The following INSYN2A variants were observed in gnomAD, a reference collection of about 807,000 sequenced individuals.
INSYN2A encodes the protein inhibitory synaptic factor 2A.
In INSYN2A, 17 loss-of-function variants were observed where a neutral mutation model predicts 39.4. That is an observed-to-expected ratio of 0.43 (90% CI 0.30 to 0.65). The LOEUF is 0.65. INSYN2A is among the 30% of genes least tolerant of loss of function. The probability of loss-of-function intolerance (pLI) is 0.14; values close to 1 mark genes in which losing one functional copy is unlikely to be tolerated. For missense variants in INSYN2A, 595 were observed against 631.2 expected (o/e 0.94, Z 0.61); for synonymous variants, 255 against 265.7 (o/e 0.96, Z 0.39).
intron 5 of INSYN2A, 67 bp from the exon 6 acceptor site, chr10:127,138,087 C>T: frequency 7.1e-7 from 1 of 1,417,696 alleles, no homozygotes; most frequent in Non-Finnish European, 9.6e-7. Context: ...CTCTTAGTGT[C>T]AGCAAGATTT....
chr10:127,138,135 G>A, intron 5 of INSYN2A, 115 bp from the exon 6 acceptor site: 1 of 909,170 alleles, frequency 1.1e-6, no homozygotes, highest in Non-Finnish European at 1.7e-6. Context: ...TAATTTTATG[G>A]TTTAATAATA....
intron 4 of INSYN2A, among the ~76,000 whole-genome samples, chr10:127,173,219 G>T (rs758418679): frequency 1.3e-4 from 20 of 150,374 alleles, no homozygotes; most frequent in Non-Finnish European, 7.4e-5. Context: ...CACATTAGAA[G>T]GTCACCCCAT....
Position 127,137,866 on chromosome 10 carries a change from G to T in INSYN2A, c.1411C>A (p.His471Asn). The T allele has an allele frequency of 1.2e-6, 2 of 1,614,086 alleles. No homozygotes were observed. The highest frequency in any genetic ancestry group is 1.7e-6 in the Non-Finnish European group (2 of 1,180,008). The change falls in exon 6 of 6, where the codon CAC (histidine) becomes AAC (asparagine). Residue 471 changes from histidine (H) to asparagine (N), a missense_variant. Coordinates refer to ENST00000522781, the MANE Select transcript of INSYN2A (RefSeq NM_001039762.3). ...KQKSKTESKK[H>N]GRWKLWFL ...AGGAACCAGAGTTTCCATCTTCCGT[G>T]CTTTTTAGATTCAGTTTTGGATTTT...
intron 2 of INSYN2A, among the ~76,000 whole-genome samples, chr10:127,186,702 T>C (rs996043585): frequency 1.3e-5 from 2 of 151,888 alleles, no homozygotes; most frequent in African/African-American, 4.8e-5. Context: ...TATAAAATTA[T>C]ACTAAATAAG....
At chr10:127,178,574 G>GC (rs1319937517) in intron 2 of INSYN2A, among the ~76,000 whole-genome samples, 7 of 152,204 alleles carry the variant, frequency 4.6e-5, no homozygotes, top group Non-Finnish European at 8.8e-5. Context: ...GATGCCTCGG[G>GC]CTCTTGTTCG....
At chr10:127,177,469 T>G (rs1389238443) in intron 2 of INSYN2A, among the ~76,000 whole-genome samples, 7 of 152,234 alleles carry the variant, frequency 4.6e-5, no homozygotes, top group East Asian at 1.9e-4. Context: ...GAGTTAAGTG[T>G]GTTGTTTGTG....
rs765993414 is a variant in INSYN2A at position 127,153,842 on chromosome 10, G to C, written c.1256+10C>G. ...AATAAGAAAGTGGGAAGAGGAGAAT[G>C]TTAACATACCTATAGATAATACATG... On this transcript the variant is annotated intron_variant, in intron 5 of 5. Transcript: ENST00000522781. 2.5e-6 allele frequency: 4 copies of C among 1,600,640 alleles called. No homozygotes were observed. In the Middle Eastern group the frequency reaches 6.6e-4, roughly 265 times the overall value.
intron 4 of INSYN2A, among the ~76,000 whole-genome samples, chr10:127,173,657 C>G (rs991912892): frequency 6.6e-6 from 1 of 152,126 alleles, no homozygotes; most frequent in Admixed American, 6.5e-5. Flanking sequence ...CCAACTATAT[C>G]AACATCAGTG....
rs866444982 is a variant in INSYN2A at position 127,186,759 on chromosome 10, G to C, written c.-269+5846C>G. On this transcript the variant is annotated intron_variant, in intron 2 of 5. Coordinates refer to ENST00000522781, the MANE Select transcript of INSYN2A (RefSeq NM_001039762.3). ...TCATGCCACACTGCTGTTGTCCATT[G>C]AGATGAACGTGGAGAGGAAGGAGAA... 6.2e-4 allele frequency among the ~76,000 whole-genome samples: 95 copies of C among 152,158 alleles called. 1 individual carries two copies. The highest frequency in any genetic ancestry group is 2.2e-3 in the African/African-American group (93 of 41,522).
At chr10:127,181,467 G>A (rs183575654) in intron 2 of INSYN2A, among the ~76,000 whole-genome samples, 13 of 152,300 alleles carry the variant, frequency 8.5e-5, no homozygotes, top group Admixed American at 3.3e-4. Context: ...GCAGGCAGCT[G>A]CCAGTCTGAC....
Position 127,196,313 on chromosome 10 carries a change from A to T in INSYN2A, c.-711T>A, listed in dbSNP as rs1420180424. On this transcript the variant is annotated 5_prime_UTR_variant, in exon 1 of 6. Transcript: ENST00000522781. ...GGCAGCGGCTGGGCCAGCTCCGGGGACGCCCGCGCGCTCGCTTGCTCGCGA... is the reference window on the plus strand; with the variant it reads ...GGCAGCGGCTGGGCCAGCTCCGGGGTCGCCCGCGCGCTCGCTTGCTCGCGA... 6.7e-6 allele frequency among the ~76,000 whole-genome samples: 1 copy of T among 148,268 alleles called. No homozygotes were observed. The highest frequency in any genetic ancestry group is 1.5e-5 in the Non-Finnish European group (1 of 66,736).
Position 127,138,033 on chromosome 10 carries a change from G to T in INSYN2A, c.1257-13C>A. The T allele has an allele frequency of 6.3e-7, 1 of 1,596,334 alleles. No homozygotes were observed. Among genetic ancestry groups the T allele is most frequent in the African/African-American group, 1.4e-5 (1 of 73,782 alleles). ...ATCCAGCTCCACACTAGAAAAGAGA[G>T]AGAGTGAAGACTTTAGCATTTGATC... is the stretch of plus-strand genomic sequence containing the variant. On this transcript the variant is annotated splice_polypyrimidine_tract_variant and intron_variant, in intron 5 of 5. Transcript: ENST00000522781.
At position 127,175,612 on chromosome 10, in the gene INSYN2A, T is replaced by C. The variant is rs1004876591; in HGVS notation, c.784A>G (p.Ser262Gly). Residue 262 changes from serine to glycine, a missense_variant, in exon 4 of 6, where the codon AGT (serine) becomes GGT (glycine). Ser to Gly is a moderately conservative substitution (Grantham distance 56, BLOSUM62 0). Coordinates refer to ENST00000522781, the MANE Select transcript of INSYN2A (RefSeq NM_001039762.3). The surrounding 1 kb of genome is among the most constrained non-coding windows in gnomAD (Gnocchi z 6.3). ...EVATVYAPAL[S>G]ARAPEPGLSD... ...AAACCAGGCTCGGGGGCCCTGGCAC[T>C]GAGGGCAGGTGCGTAAACGGTGGCA... 1 of 1,612,870 alleles carries C rather than the reference T, an allele frequency of 6.2e-7. No individual in the cohort carries two copies. Among genetic ancestry groups the C allele is most frequent in the Admixed American group, 1.7e-5 (1 of 60,000 alleles).
rs2056386847 is a variant in INSYN2A, at chr10:127,187,567, T to C, written c.-269+5038A>G. 2.0e-5 allele frequency among the ~76,000 whole-genome samples: 3 copies of C among 152,092 alleles called. No homozygotes were observed. In the South Asian group the frequency reaches 6.2e-4, roughly 31 times the overall value. On this transcript the variant is annotated intron_variant, in intron 2 of 5. Transcript: ENST00000522781. Reference sequence around the variant, plus strand: ...TGTGTGGGTTTTTAAAGAGAGCATATCCTGCCACGTAGAAGAAAATCCAGG... The same window carrying C: ...TGTGTGGGTTTTTAAAGAGAGCATACCCTGCCACGTAGAAGAAAATCCAGG...
At chr10:127,156,963 A>G (rs2053146595) in intron 4 of INSYN2A, among the ~76,000 whole-genome samples, 1 of 152,196 alleles carries the variant, frequency 6.6e-6, no homozygotes, top group Admixed American at 6.5e-5. Context: ...GTAAGCAAAT[A>G]GTTATTAAGT....
chr10:127,139,139 G>A (rs1252978908), intron 5 of INSYN2A, among the ~76,000 whole-genome samples: 3 of 152,212 alleles, frequency 2.0e-5, no homozygotes, highest in South Asian at 2.1e-4. Flanking sequence ...AAGGCTCAGC[G>A]TTGATGATAA....
At chr10:127,179,637 T>G (rs921401058) in intron 2 of INSYN2A, among the ~76,000 whole-genome samples, 12 of 152,108 alleles carry the variant, frequency 7.9e-5, no homozygotes, top group Non-Finnish European at 1.6e-4. Context: ...TGCTCTTTAT[T>G]GGGGGTGGAG....
intron 2 of INSYN2A, among the ~76,000 whole-genome samples, chr10:127,182,809 G>A (rs1482796563): frequency 6.6e-6 from 1 of 152,034 alleles, no homozygotes; most frequent in Non-Finnish European, 1.5e-5. Flanking sequence ...GACAGAGTGT[G>A]AGACAGGAGG....
chr10:127,157,459 T>G (rs952709380), intron 4 of INSYN2A, among the ~76,000 whole-genome samples: 1 of 152,244 alleles, frequency 6.6e-6, no homozygotes, highest in Non-Finnish European at 1.5e-5. Flanking sequence ...TTATAGGTGG[T>G]TGAATGACAT....
Sources: allele counts gnomAD v4.1 joint callset (sites outside exome capture counted in the v4.1 genomes callset), GRCh38; gene constraint gnomAD v4.1.1; non-coding constraint Gnocchi (gnomAD v3.1); transcripts MANE v1.5; gene names NCBI Gene and HGNC (gene_info 2026-07-23, HGNC 2026-07-21).